The following CCDC73 variants were observed in gnomAD, a reference collection of about 807,000 sequenced individuals.
The protein encoded by CCDC73 is coiled-coil domain containing 73, also known as coiled-coil domain-containing protein 73.
Under a neutral mutation model 116.5 loss-of-function variants are expected in CCDC73, and 95 were observed. The observed-to-expected ratio is 0.82, with a 90% CI of 0.69 to 0.97. The LOEUF is 0.97. CCDC73 is among the 50% of genes least tolerant of loss of function. The probability of loss-of-function intolerance (pLI) is 0.00; values close to 1 mark genes in which losing one functional copy is unlikely to be tolerated. For missense variants in CCDC73, 1,066 were observed against 1,206.8 expected (o/e 0.88, Z 1.73); for synonymous variants, 398 against 401.3 (o/e 0.99, Z 0.10).
intron 4 of CCDC73, among the ~76,000 whole-genome samples, chr11:32,701,392 T>G (rs1250913503): frequency 6.6e-6 from 1 of 152,154 alleles, no homozygotes; most frequent in African/African-American, 2.4e-5. Context: ...AATTATGACC[T>G]GTTTAAAAAA....
At chr11:32,812,764 C>T in the CCDC73 span, among the ~76,000 whole-genome samples, 1 of 151,408 alleles carries the variant, frequency 6.6e-6, no homozygotes, top group Non-Finnish European at 1.5e-5. Flanking sequence ...CCTGAGCCTG[C>T]AAGTGGAGTT....
At chr11:32,625,620 TGGCTTGTAGAGTGATCAAGTG>T (rs1185278720) in intron 14 of CCDC73, among the ~76,000 whole-genome samples, 1 of 152,148 alleles carries the variant, frequency 6.6e-6, no homozygotes, top group Non-Finnish European at 1.5e-5. Context: ...CACTCTCTTC[TGGCTTGTAGAGTGATCAAGTG>T]GGCTTCATCC....
intron 2 of CCDC73, among the ~76,000 whole-genome samples, chr11:32,753,206 T>A (rs1003020678): frequency 2.0e-5 from 3 of 152,192 alleles, no homozygotes; most frequent in Non-Finnish European, 2.9e-5. Context: ...TGAAGGATAA[T>A]CTCTATGCCC....
chr11:32,673,337 T>C (rs1176300018), intron 9 of CCDC73, among the ~76,000 whole-genome samples: 1 of 152,172 alleles, frequency 6.6e-6, no homozygotes, highest in Admixed American at 6.5e-5. Flanking sequence ...AGGAACTCTG[T>C]ACTTTCTATT....
intron 3 of CCDC73, among the ~76,000 whole-genome samples, chr11:32,717,419 T>G (rs1849955267): frequency 6.6e-6 from 1 of 152,174 alleles, no homozygotes. Context: ...TTTCAAAATA[T>G]TCTCACTCCC....
At chr11:32,652,834 A>G (rs1368255083) in intron 12 of CCDC73, among the ~76,000 whole-genome samples, 1 of 149,120 alleles carries the variant, frequency 6.7e-6, no homozygotes, top group African/African-American at 2.5e-5. Flanking sequence ...ATTCTAAGAC[A>G]AAAAAAAAAT....
At chr11:32,727,961 A>G (rs1850043089) in intron 2 of CCDC73, among the ~76,000 whole-genome samples, 1 of 151,640 alleles carries the variant, frequency 6.6e-6, no homozygotes, top group Admixed American at 6.6e-5. Context: ...TTTGTAAAAT[A>G]TTTTTCCCAG....
At chr11:32,636,363 G>A (rs1381163704) in intron 13 of CCDC73, among the ~76,000 whole-genome samples, 3 of 151,930 alleles carry the variant, frequency 2.0e-5, no homozygotes, top group Admixed American at 1.3e-4. Context: ...TGAGTACTAA[G>A]CACTAAGTGG....
chr11:32,779,263 C>CAAAAAAAAA (rs34184527), intron 1 of CCDC73, among the ~76,000 whole-genome samples: 1 of 110,062 alleles, frequency 9.1e-6, no homozygotes, highest in African/African-American at 3.5e-5. Context: ...TCATGTGGGG[C>CAAAAAAAAA]AAAAAAAAAA....
chr11:32,783,486 T>C (rs1850600379), intron 1 of CCDC73, among the ~76,000 whole-genome samples: 1 of 152,192 alleles, frequency 6.6e-6, no homozygotes, highest in Non-Finnish European at 1.5e-5. Flanking sequence ...AGGTGGCTTA[T>C]AAATAACAGA....
intron 16 of CCDC73, among the ~76,000 whole-genome samples, chr11:32,612,333 A>G (rs908878901): frequency 6.6e-6 from 1 of 151,220 alleles, no homozygotes; most frequent in Non-Finnish European, 1.5e-5. Context: ...TCCCAAAAAT[A>G]AAAACAATTA....
At chr11:32,827,688 G>A in the CCDC73 span, among the ~76,000 whole-genome samples, 1 of 152,156 alleles carries the variant, frequency 6.6e-6, no homozygotes, top group African/African-American at 2.4e-5. Flanking sequence ...GAACAATGTA[G>A]AAAGCACTCC....
intron 13 of CCDC73, among the ~76,000 whole-genome samples, chr11:32,639,609 C>T (rs924888574): frequency 3.9e-5 from 6 of 152,084 alleles, no homozygotes; most frequent in Middle Eastern, 3.4e-3. Flanking sequence ...CCACCACGCC[C>T]GGCTAATTTT....
intron 3 of CCDC73, among the ~76,000 whole-genome samples, chr11:32,709,303 T>C (rs554590450): frequency 6.6e-6 from 1 of 152,046 alleles, no homozygotes. Context: ...GATTTGTTTT[T>C]TTTGTTTGTT....
At chr11:32,607,080 ATTTTTTTTTTTTTT>A (rs759164050) in intron 17 of CCDC73, among the ~76,000 whole-genome samples, 7 of 74,164 alleles carry the variant, frequency 9.4e-5, no homozygotes, top group African/African-American at 3.6e-4. Flanking sequence ...CCAAAAATAA[ATTTTTTTTTTTTTT>A]TTTTTTTTTT....
chr11:32,648,554 CTT>C (rs1236494179), intron 12 of CCDC73, among the ~76,000 whole-genome samples: 10 of 144,514 alleles, frequency 6.9e-5, no homozygotes, highest in Non-Finnish European at 7.6e-5. Context: ...AGTTTATACT[CTT>C]TTTTTTTTTT....
At chr11:32,670,949 C>A (rs1856032767) in intron 9 of CCDC73, among the ~76,000 whole-genome samples, 1 of 152,106 alleles carries the variant, frequency 6.6e-6, no homozygotes, top group South Asian at 2.1e-4. Flanking sequence ...TACTTAATCT[C>A]AAGAGCATAA....
intron 2 of CCDC73, among the ~76,000 whole-genome samples, chr11:32,744,752 T>C (rs539725127): frequency 6.6e-5 from 10 of 152,348 alleles, no homozygotes; most frequent in African/African-American, 2.2e-4. Context: ...TCAGTCGTCA[T>C]ATCCCCTTTA....
the CCDC73 span, chr11:32,829,928 T>C: frequency 1.0e-6 from 1 of 985,580 alleles, no homozygotes; most frequent in Non-Finnish European, 1.2e-6. Context: ...CCTCCCGTCC[T>C]CCGTCGGCCG....
Sources: allele counts gnomAD v4.1 joint callset (sites outside exome capture counted in the v4.1 genomes callset), GRCh38; gene constraint gnomAD v4.1.1; transcripts MANE v1.5; gene names NCBI Gene and HGNC (gene_info 2026-07-23, HGNC 2026-07-21).